The following SP3 variants were observed in gnomAD, a reference collection of about 807,000 sequenced individuals.
SP3 encodes transcription factor Sp3.
A neutral mutation model predicts 70.3 loss-of-function variants in SP3; 10 were observed. The observed-to-expected ratio is 0.14, with a 90% CI of 0.09 to 0.24. The LOEUF is 0.24. Among genes scored for constraint, SP3 ranks in the 10% least tolerant of loss-of-function variants. The probability of loss-of-function intolerance (pLI) is 1.00; values close to 1 mark genes in which losing one functional copy is unlikely to be tolerated. For synonymous variants in SP3, 402 were observed against 333.5 expected (o/e 1.21, Z -2.24); for missense variants, 825 against 914.6 (o/e 0.90, Z 1.26).
intron 4 of SP3, among the ~76,000 whole-genome samples, chr2:173,941,229 A>T (rs530400634): frequency 6.6e-6 from 1 of 152,172 alleles, no homozygotes; most frequent in East Asian, 1.9e-4. Flanking sequence ...TCTTAATGAA[A>T]CCACTTGTTA....
At chr2:173,913,311 C>T in intron 5 of SP3, 45 bp from the exon 6 acceptor site, 1 of 1,312,008 alleles carries the variant, frequency 7.6e-7, no homozygotes, top group Non-Finnish European at 1.0e-6. Flanking sequence ...TGAAAATATT[C>T]AAATGGACAT....
rs567479678 is a variant in SP3, at chr2:173,902,073, C to A, written c.*7868G>T. Among the ~76,000 whole-genome samples the A allele has an allele frequency of 1.3e-5, 2 of 152,280 alleles. No individual in the cohort carries two copies. Among genetic ancestry groups the A allele is most frequent in the South Asian group, 4.1e-4 (2 of 4,828 alleles). On this transcript the variant is annotated 3_prime_UTR_variant, in exon 7 of 7. Transcript: ENST00000310015. ...GTGAGAGACTATGAGGACTACCACA[C>A]CTGGGCAGGGCTTGACTGAGAGATA...
intron 4 of SP3, among the ~76,000 whole-genome samples, chr2:173,932,170 G>A (rs1690084609): frequency 6.6e-6 from 1 of 152,122 alleles, no homozygotes; most frequent in African/African-American, 2.4e-5. Flanking sequence ...AGAGGCTACT[G>A]TAGGGTTATT....
At chr2:173,930,859 C>A (rs1006449492) in intron 4 of SP3, among the ~76,000 whole-genome samples, 3 of 152,060 alleles carry the variant, frequency 2.0e-5, no homozygotes, top group Non-Finnish European at 4.4e-5. Flanking sequence ...AAGCCACGTA[C>A]GTTAACTTCA....
chr2:173,936,468 CA>C (rs1318896255), intron 4 of SP3, among the ~76,000 whole-genome samples: 1 of 152,176 alleles, frequency 6.6e-6, no homozygotes, highest in African/African-American at 2.4e-5. Flanking sequence ...CAACCCTCAC[CA>C]ATAGTATTCA....
rs1323317309 is a variant in SP3, at chr2:173,906,770, GAGTGTTTAACAGAACC to G, written c.*3155_*3170del. 8 of 152,108 alleles carry G rather than the reference GAGTGTTTAACAGAACC, an allele frequency of 5.3e-5. No homozygotes were observed. The highest frequency in any genetic ancestry group is 1.7e-4 in the African/African-American group (7 of 41,402). 9.4% of individuals were successfully genotyped at this position (152,108 alleles called of 1,614,324 possible). A position where few individuals can be genotyped will look rare whatever the true frequency, so the allele number is the denominator to read the frequency against. ...TCTATTTTAAGTGATTGTAACGCAG[GAGTGTTTAACAGAACC>G]ACTTGAGCAGCTGTTTCAAAACACA... On this transcript the variant is annotated 3_prime_UTR_variant, in exon 7 of 7. Coordinates refer to ENST00000310015, the MANE Select transcript of SP3 (RefSeq NM_003111.5).
chr2:173,918,980 T>C (rs190974561), intron 4 of SP3, among the ~76,000 whole-genome samples, 195 bp from the exon 5 acceptor site: 58 of 152,350 alleles, frequency 3.8e-4, no homozygotes, highest in African/African-American at 1.3e-3. Context: ...TAATCTCCTG[T>C]ATAAATGCTT....
chr2:173,922,623 G>T (rs762163681), intron 4 of SP3, among the ~76,000 whole-genome samples: 1 of 152,002 alleles, frequency 6.6e-6, no homozygotes, highest in Non-Finnish European at 1.5e-5. Context: ...AGGGGACTGA[G>T]AGTGCCAGTG....
At chr2:173,925,099 G>A (rs1689873405) in intron 4 of SP3, among the ~76,000 whole-genome samples, 1 of 152,162 alleles carries the variant, frequency 6.6e-6, no homozygotes, top group Non-Finnish European at 1.5e-5. Flanking sequence ...TGTTGGTCAG[G>A]CTGGTCTCAA....
intron 4 of SP3, among the ~76,000 whole-genome samples, chr2:173,945,001 T>C (rs985301316): frequency 1.3e-5 from 2 of 152,194 alleles, no homozygotes; most frequent in East Asian, 1.9e-4. Context: ...ATTTAATAAG[T>C]TGAATTAGTT....
intron 4 of SP3, among the ~76,000 whole-genome samples, chr2:173,950,640 A>C (rs1451258459): frequency 1.3e-5 from 2 of 151,872 alleles, no homozygotes; most frequent in Non-Finnish European, 2.9e-5. Context: ...CAGCCTAGAA[A>C]ACAGAGACCC....
intron 4 of SP3, among the ~76,000 whole-genome samples, chr2:173,935,754 AATT>A (rs1690190760): frequency 6.6e-6 from 1 of 152,128 alleles, no homozygotes; most frequent in Non-Finnish European, 1.5e-5. Flanking sequence ...TACTAGCAAC[AATT>A]ATTTCAACCA....
chr2:173,956,052 C>T lies in SP3; in HGVS notation c.460G>A (p.Val154Ile), dbSNP rs748264771. ...TTTGATGAATCTGATCCTGGTGCAA[C>T]GGAAAATATTTGTTGATTCTGCAAA... is the stretch of plus-strand genomic sequence containing the variant. ...QNLQNQQIFS[V>I]APGSDSSNGT... The change falls in exon 4 of 7, where the codon GTT (valine) becomes ATT (isoleucine). Residue 154 changes from valine (V) to isoleucine (I), a missense_variant. Physicochemically the swap from Val to Ile is conservative, Grantham distance 29. Transcript: ENST00000310015. 8.5e-5 allele frequency: 137 copies of T among 1,613,972 alleles called. No homozygotes were observed. The highest frequency in any genetic ancestry group is 1.3e-4 in the Admixed American group (8 of 59,982).
At position 173,951,323 on chromosome 2, in the gene SP3, T is replaced by C. The variant is rs150284407; in HGVS notation, c.1639+3550A>G. Among the ~76,000 whole-genome samples the C allele has an allele frequency of 2.0e-5, 3 of 152,308 alleles. No individual in the cohort carries two copies. The East Asian group carries it at 5.8e-4, about 29-fold the overall frequency. ...TTTCCAAACTTACACATTACTGACG[T>C]TCACAAAAAACTTCTGTTCATGTAG... On this transcript the variant is annotated intron_variant, in intron 4 of 6. Coordinates refer to ENST00000310015, the MANE Select transcript of SP3 (RefSeq NM_003111.5).
chr2:173,938,574 C>CA (rs1305398900), intron 4 of SP3, among the ~76,000 whole-genome samples: 3 of 145,810 alleles, frequency 2.1e-5, no homozygotes, highest in Non-Finnish European at 4.5e-5. Flanking sequence ...TTTTATCCAT[C>CA]AAAAAAAAGA....
intron 4 of SP3, among the ~76,000 whole-genome samples, chr2:173,922,423 G>A (rs1292831417): frequency 6.6e-6 from 1 of 151,872 alleles, no homozygotes; most frequent in African/African-American, 2.4e-5. Flanking sequence ...TGAAAGTTCT[G>A]AATGCCTATT....
intron 4 of SP3, among the ~76,000 whole-genome samples, chr2:173,949,250 T>C (rs183080151): frequency 3.9e-4 from 59 of 152,186 alleles, no homozygotes; most frequent in Middle Eastern, 6.8e-3. Context: ...GTAAAATCAG[T>C]AAGGATTTAT....
intron 2 of SP3, 194 bp downstream of exon 2, chr2:173,964,211 C>A: frequency 2.2e-6 from 1 of 461,462 alleles, no homozygotes; most frequent in Non-Finnish European, 3.8e-6. Flanking sequence ...AGGCGGCAGG[C>A]GGGCGAGGCG....
intron 4 of SP3, among the ~76,000 whole-genome samples, chr2:173,934,963 A>C (rs1487727238): frequency 6.6e-6 from 1 of 152,234 alleles, no homozygotes; most frequent in Non-Finnish European, 1.5e-5. Flanking sequence ...AAAATAAAAA[A>C]GCATCACAAA....
Sources: allele counts gnomAD v4.1 joint callset (sites outside exome capture counted in the v4.1 genomes callset), GRCh38; gene constraint gnomAD v4.1.1; transcripts MANE v1.5; gene names NCBI Gene and HGNC (gene_info 2026-07-23, HGNC 2026-07-21).